The following WRN variants were observed in gnomAD, a reference collection of about 807,000 sequenced individuals.
The protein encoded by WRN is WRN RecQ like helicase.
A neutral mutation model predicts 180.7 loss-of-function variants in WRN; 149 were observed. The ratio of observed to expected loss-of-function variants is 0.82; its 90% CI spans 0.72 to 0.94. The LOEUF (loss-of-function observed/expected upper bound fraction) is 0.94. Among genes scored for constraint, WRN ranks in the 40% least tolerant of loss-of-function variants. The probability of loss-of-function intolerance (pLI) is 0.00; values close to 1 mark genes in which losing one functional copy is unlikely to be tolerated. For missense variants in WRN, 1,661 were observed against 1,700.1 expected, an observed-to-expected ratio of 0.98 and a Z score of 0.40; for synonymous variants, 548 against 568.9, an observed-to-expected ratio of 0.96 and a Z score of 0.52.
At chr8:31,155,247 G>A (rs11574375) in intron 32 of WRN, among the ~76,000 whole-genome samples, 34 of 152,292 alleles carry the variant, frequency 2.2e-4, no homozygotes, top group African/African-American at 6.7e-4. Context: ...CTGGAAATAT[G>A]TTTTTAAAAA....
chr8:31,162,491 C>A (rs891616917), intron 33 of WRN, among the ~76,000 whole-genome samples: 1 of 152,046 alleles, frequency 6.6e-6, no homozygotes, highest in African/African-American at 2.4e-5. Flanking sequence ...GAAGGGCCTG[C>A]GTGTTTTACA....
intron 24 of WRN, among the ~76,000 whole-genome samples, chr8:31,134,357 ATAG>A (rs1802314846): frequency 1.3e-5 from 2 of 152,254 alleles, no homozygotes; most frequent in South Asian, 4.1e-4. Flanking sequence ...AATATATAAC[ATAG>A]TAGCAGCATA....
In WRN at chr8:31,166,983, G is replaced by A. The variant is rs145212074; in HGVS notation, c.3983-39G>A. On this transcript the variant is annotated intron_variant, in intron 33 of 34. Transcript: ENST00000298139. ...TCATAGGTTTTCTAAAATATTCTCT[G>A]TAATTTATTTTGAAATGGAGTTTTT... 8.9e-4 allele frequency: 1,392 copies of A among 1,559,350 alleles called. 12 individuals are homozygous for A. The African/African-American group carries it at 0.015, about 17-fold the overall frequency.
intron 1 of WRN, among the ~76,000 whole-genome samples, chr8:31,057,389 T>G (rs1460961537): frequency 6.6e-6 from 1 of 151,846 alleles, no homozygotes; most frequent in African/African-American, 2.4e-5. Context: ...GCTAACATGG[T>G]GAAACCCCGT....
chr8:31,130,939 G>A (rs753282412), intron 23 of WRN, among the ~76,000 whole-genome samples: 1 of 152,072 alleles, frequency 6.6e-6, no homozygotes, highest in Admixed American at 6.5e-5. Context: ...GACAAAGGGA[G>A]TCTTTTCACA....
intron 1 of WRN, among the ~76,000 whole-genome samples, chr8:31,036,926 G>T (rs1211126841): frequency 6.6e-6 from 1 of 152,014 alleles, no homozygotes; most frequent in Non-Finnish European, 1.5e-5. Flanking sequence ...AAAAATCATT[G>T]CCCAGATCAG....
At chr8:31,112,793 G>A (rs1801369131) in intron 19 of WRN, among the ~76,000 whole-genome samples, 1 of 152,060 alleles carries the variant, frequency 6.6e-6, no homozygotes, top group African/African-American at 2.4e-5. Flanking sequence ...TCACCATGGT[G>A]GCCAGGCTGA....
Position 31,067,009 on chromosome 8 carries a change from G to A in WRN, c.505-24G>A, listed in dbSNP as rs374395940. 10 of 1,612,926 alleles carry A rather than the reference G, an allele frequency of 6.2e-6. No individual in the cohort carries two copies. The African/African-American group carries it at 1.2e-4, about 19-fold the overall frequency. On this transcript the variant is annotated intron_variant, in intron 5 of 34. Coordinates refer to ENST00000298139, the MANE Select transcript of WRN (RefSeq NM_000553.6). Reference sequence around the variant, plus strand: ...CCTGAAAACAGGAACTGATTTTACTGTGTTGCTTTTTCATCATTTCTAGCT... The same window carrying A: ...CCTGAAAACAGGAACTGATTTTACTATGTTGCTTTTTCATCATTTCTAGCT...
chr8:31,049,176 A>T (rs560971413), intron 1 of WRN, among the ~76,000 whole-genome samples: 6 of 123,144 alleles, frequency 4.9e-5, no homozygotes, highest in African/African-American at 1.8e-4. Context: ...ACGCCATTGC[A>T]CTCCAGCCTG....
chr8:31,073,868 C>G (rs1813001070), intron 7 of WRN, among the ~76,000 whole-genome samples: 1 of 151,774 alleles, frequency 6.6e-6, no homozygotes, highest in Admixed American at 6.6e-5. Context: ...AGATGAGAGT[C>G]TAGAACTAAC....
At chr8:31,038,677 T>C (rs542547335) in intron 1 of WRN, among the ~76,000 whole-genome samples, 3 of 152,334 alleles carry the variant, frequency 2.0e-5, no homozygotes, top group South Asian at 4.1e-4. Context: ...AATAGTTTTA[T>C]AGTTTTACTT....
At chr8:31,075,556 CA>C (rs538312568) in intron 7 of WRN, among the ~76,000 whole-genome samples, 362 of 136,950 alleles carry the variant, frequency 2.6e-3, no homozygotes, top group East Asian at 4.8e-3. Flanking sequence ...ACTAGAAATA[CA>C]AAAAAAAAAA....
At chr8:31,036,536 A>G (rs1811459030) in intron 1 of WRN, among the ~76,000 whole-genome samples, 1 of 152,198 alleles carries the variant, frequency 6.6e-6, no homozygotes, top group African/African-American at 2.4e-5. Flanking sequence ...CTTTTTGGTA[A>G]TAGCCATTCT....
Position 31,100,840 on chromosome 8 carries a change from T to G in WRN, c.1982-9T>G, listed in dbSNP as rs1161109941. On this transcript the variant is annotated splice_polypyrimidine_tract_variant and intron_variant, in intron 17 of 34. Transcript: ENST00000298139. ...ATCTTTTCCTTTATGTGTTTTTCTT[T>G]TTTTACAGGTATCACGCTCATTGCT... The G allele has an allele frequency of 1.2e-6, 2 of 1,612,434 alleles. No homozygotes were observed. Among genetic ancestry groups the G allele is most frequent in the Non-Finnish European group, 1.7e-6 (2 of 1,178,776 alleles).
intron 7 of WRN, among the ~76,000 whole-genome samples, chr8:31,075,261 A>T (rs937723427): frequency 2.0e-5 from 3 of 152,150 alleles, no homozygotes; most frequent in Admixed American, 2.0e-4. Flanking sequence ...CTCAGAGGAG[A>T]TGGGCTTTTG....
chr8:31,159,680 C>T (rs182165398), intron 33 of WRN, among the ~76,000 whole-genome samples: 2 of 152,022 alleles, frequency 1.3e-5, no homozygotes, highest in East Asian at 3.9e-4. Context: ...TGGCTCATGC[C>T]TATAATCCTA....
chr8:31,143,525 T>C (rs758292285), intron 27 of WRN, 25 bp from the exon 28 acceptor site: 1 of 1,494,060 alleles, frequency 6.7e-7, no homozygotes, highest in Admixed American at 1.9e-5. Flanking sequence ...CTTTTTTTAA[T>C]GGACCTTTAT....
At chr8:31,134,407 AAACAGTT>A (rs1369876392) in intron 24 of WRN, among the ~76,000 whole-genome samples, 1 of 152,222 alleles carries the variant, frequency 6.6e-6, no homozygotes, top group Non-Finnish European at 1.5e-5. Flanking sequence ...TGAATAGTAT[AAACAGTT>A]ATGTAGCCTA....
At chr8:31,104,538 C>A (rs1801016097) in intron 18 of WRN, among the ~76,000 whole-genome samples, 1 of 152,102 alleles carries the variant, frequency 6.6e-6, no homozygotes, top group Middle Eastern at 3.4e-3. Context: ...TTAGTGAAAT[C>A]CAGTTTATCA....
Sources: gnomAD v4.1 joint callset for allele counts (sites outside exome capture counted in the v4.1 genomes callset) on GRCh38, gnomAD v4.1.1 for gene constraint, MANE v1.5 for transcripts, NCBI Gene and HGNC (gene_info 2026-07-23, HGNC 2026-07-21) for gene names.